GRIK1: variants seen among roughly 807,000 people sequenced by gnomAD.
GRIK1 encodes the protein glutamate ionotropic receptor kainate type subunit 1, also known as glutamate receptor ionotropic, kainate 1.
Under a neutral mutation model 105.7 loss-of-function variants are expected in GRIK1, and 69 were observed. That is an observed-to-expected ratio of 0.65 (90% CI 0.54 to 0.80). GRIK1 has a LOEUF of 0.80. Among genes scored for constraint, GRIK1 ranks in the 30% least tolerant of loss-of-function variants. GRIK1 has a pLI of 0.00. For missense variants in GRIK1, 1,109 were observed against 1,167.3 expected, an observed-to-expected ratio of 0.95 and a Z score of 0.73; for synonymous variants, 438 against 431.3, an observed-to-expected ratio of 1.02 and a Z score of -0.19.
chr21:29,559,957 C>A (rs936353673), intron 15 of GRIK1, among the ~76,000 whole-genome samples: 10 of 152,170 alleles, frequency 6.6e-5, no homozygotes, highest in African/African-American at 2.4e-4. Flanking sequence ...CCGTTCCCTA[C>A]TACCTCCTGG....
intron 1 of GRIK1, among the ~76,000 whole-genome samples, chr21:29,765,474 TTATTTAAGTTA>T (rs1432060433): frequency 1.3e-5 from 2 of 152,158 alleles, no homozygotes; most frequent in African/African-American, 2.4e-5. Flanking sequence ...GGCTACAGAT[TTATTTAAGTTA>T]TTGCATTCCT....
chr21:29,888,821 C>T (rs1276799655), intron 1 of GRIK1, among the ~76,000 whole-genome samples: 1 of 152,142 alleles, frequency 6.6e-6, no homozygotes, highest in African/African-American at 2.4e-5. Flanking sequence ...ACTATGATGG[C>T]GTTTTAGATT....
chr21:29,731,620 G>A (rs904906416), intron 1 of GRIK1, among the ~76,000 whole-genome samples: 8 of 152,168 alleles, frequency 5.3e-5, no homozygotes, highest in African/African-American at 1.7e-4. Flanking sequence ...AATCGGAAAT[G>A]TGTAAGCTGA....
At chr21:29,567,723 T>C (rs2090644006) in intron 14 of GRIK1, among the ~76,000 whole-genome samples, 1 of 152,208 alleles carries the variant, frequency 6.6e-6, no homozygotes, top group Non-Finnish European at 1.5e-5. Context: ...TAGAACTTCA[T>C]ACTTGCGAAA....
chr21:29,886,183 G>C (rs191482640), intron 1 of GRIK1, among the ~76,000 whole-genome samples: 2 of 152,212 alleles, frequency 1.3e-5, no homozygotes, highest in East Asian at 3.9e-4. Context: ...GAGATTAGCT[G>C]AACAGAACTT....
chr21:29,932,736 G>T (rs929394902), intron 1 of GRIK1, among the ~76,000 whole-genome samples: 16 of 151,772 alleles, frequency 1.1e-4, no homozygotes, highest in Non-Finnish European at 2.1e-4. Context: ...CTTTTAATTT[G>T]GATGCTTTTG....
intron 7 of GRIK1, among the ~76,000 whole-genome samples, chr21:29,606,394 A>C (rs1282377166): frequency 2.0e-5 from 3 of 152,088 alleles, no homozygotes; most frequent in African/African-American, 4.8e-5. Context: ...CTAGGTGTTA[A>C]GCCCCACATG....
intron 1 of GRIK1, among the ~76,000 whole-genome samples, chr21:29,918,409 G>T (rs2071076757): frequency 6.6e-6 from 1 of 152,000 alleles, no homozygotes; most frequent in South Asian, 2.1e-4. Flanking sequence ...TTGATGCTAA[G>T]AGAGGCTGTG....
At chr21:29,699,446 A>G (rs2063771075) in intron 1 of GRIK1, among the ~76,000 whole-genome samples, 1 of 152,162 alleles carries the variant, frequency 6.6e-6, no homozygotes, top group Admixed American at 6.5e-5. Context: ...GCCAAGCAAG[A>G]AGGAGGCCAT....
At chr21:29,558,345 A>AAT (rs67103720) in intron 15 of GRIK1, among the ~76,000 whole-genome samples, 46 of 149,322 alleles carry the variant, frequency 3.1e-4, no homozygotes, top group East Asian at 2.3e-3. Context: ...TGTCACTTGA[A>AAT]ATATATATAT....
chr21:29,861,840 A>G (rs1318706169), intron 1 of GRIK1, among the ~76,000 whole-genome samples: 1 of 152,146 alleles, frequency 6.6e-6, no homozygotes, highest in Non-Finnish European at 1.5e-5. Context: ...AATTCTTTTT[A>G]ATATGTTATT....
intron 7 of GRIK1, among the ~76,000 whole-genome samples, chr21:29,616,452 G>A (rs189237455): frequency 3.1e-4 from 47 of 152,264 alleles, no homozygotes; most frequent in Non-Finnish European, 6.5e-4. Flanking sequence ...GTGCCCATCT[G>A]AGCACAAAGA....
At chr21:29,655,420 A>C (rs1013761216) in intron 4 of GRIK1, among the ~76,000 whole-genome samples, 3 of 152,090 alleles carry the variant, frequency 2.0e-5, no homozygotes, top group African/African-American at 7.2e-5. Flanking sequence ...AAAAAAAAAA[A>C]ATAGTTTGTA....
intron 9 of GRIK1, among the ~76,000 whole-genome samples, chr21:29,594,614 G>A (rs1210396269): frequency 6.6e-6 from 1 of 152,160 alleles, no homozygotes; most frequent in East Asian, 1.9e-4. Context: ...TAGGACAACT[G>A]AGAAAAGCAT....
intron 16 of GRIK1, among the ~76,000 whole-genome samples, chr21:29,546,327 T>G (rs957201046): frequency 1.3e-5 from 2 of 152,236 alleles, no homozygotes; most frequent in Non-Finnish European, 2.9e-5. Context: ...ATTCCATAGC[T>G]TCACTGCCTA....
intron 1 of GRIK1, among the ~76,000 whole-genome samples, chr21:29,859,098 A>C (rs1408314196): frequency 1.3e-5 from 2 of 151,648 alleles, no homozygotes; most frequent in Non-Finnish European, 2.9e-5. Context: ...CATTCTCAGC[A>C]AACTATCGCA....
intron 1 of GRIK1, among the ~76,000 whole-genome samples, chr21:29,710,408 A>AATGATTT (rs142827793): frequency 0.25 from 37,368 of 151,974 alleles, 7,207 homozygotes; most frequent in African/African-American, 0.53. Flanking sequence ...ATAGTTTTCT[A>AATGATTT]TCCTGTCCTG....
At chr21:29,654,668 G>T in intron 5 of GRIK1, 142 bp downstream of exon 5, 1 of 612,236 alleles carries the variant, frequency 1.6e-6, no homozygotes. Context: ...GCTCAGCATT[G>T]CTGGATTTAG....
At chr21:29,720,032 GA>G (rs1784853037) in intron 1 of GRIK1, among the ~76,000 whole-genome samples, 2 of 152,116 alleles carry the variant, frequency 1.3e-5, no homozygotes, top group Non-Finnish European at 2.9e-5. Context: ...AGCTGCTCAA[GA>G]CTTCATTAAA....
Sources: allele counts gnomAD v4.1 joint callset (sites outside exome capture counted in the v4.1 genomes callset), GRCh38; gene constraint gnomAD v4.1.1; transcripts MANE v1.5; gene names NCBI Gene and HGNC (gene_info 2026-07-23, HGNC 2026-07-21).